COL14A1: variants seen among roughly 807,000 people sequenced by gnomAD.
The protein encoded by COL14A1 is collagen type XIV alpha 1 chain, also known as collagen alpha-1(XIV) chain.
Under a neutral mutation model 230.3 loss-of-function variants are expected in COL14A1, and 136 were observed. The observed-to-expected ratio is 0.59, with a 90% CI of 0.51 to 0.68. The LOEUF is 0.68. Among genes scored for constraint, COL14A1 ranks in the 30% least tolerant of loss-of-function variants. The probability of loss-of-function intolerance (pLI) is 0.00; values close to 1 mark genes in which losing one functional copy is unlikely to be tolerated. For synonymous variants in COL14A1, 792 were observed against 784.1 expected (o/e 1.01, Z -0.17); for missense variants, 1,976 against 2,215.8 (o/e 0.89, Z 2.17).
At chr8:120,151,474 A>G (rs567008574) in intron 2 of COL14A1, among the ~76,000 whole-genome samples, 1 of 152,056 alleles carries the variant, frequency 6.6e-6, no homozygotes, top group African/African-American at 2.4e-5. Flanking sequence ...CCCCGTCTCT[A>G]CTAAAAATAC....
At chr8:120,165,366 C>T (rs1354519408) in intron 4 of COL14A1, among the ~76,000 whole-genome samples, 2 of 152,168 alleles carry the variant, frequency 1.3e-5, no homozygotes, top group Non-Finnish European at 2.9e-5. Context: ...CACAGTAAAA[C>T]ATAAGAAATG....
At chr8:120,279,913 A>G (rs776586014) in intron 28 of COL14A1, 22 bp from the exon 29 acceptor site, 2 of 1,609,046 alleles carry the variant, frequency 1.2e-6, no homozygotes, top group Middle Eastern at 3.3e-4. Flanking sequence ...GTAATCGGAA[A>G]TCTGTTCTCT....
At chr8:120,278,694 T>C in intron 28 of COL14A1, 116 bp downstream of exon 28, 1 of 1,021,564 alleles carries the variant, frequency 9.8e-7, no homozygotes, top group Non-Finnish European at 1.4e-6. Flanking sequence ...TTTCTTCATA[T>C]TAACTAGACA....
At chr8:120,142,871 G>A (rs901679752) in intron 1 of COL14A1, among the ~76,000 whole-genome samples, 4 of 152,048 alleles carry the variant, frequency 2.6e-5, no homozygotes, top group Admixed American at 2.6e-4. Flanking sequence ...TTTTATGAAT[G>A]GTTGCTTGAA....
At chr8:120,334,921 T>C (rs1821998960) in intron 42 of COL14A1, among the ~76,000 whole-genome samples, 1 of 152,198 alleles carries the variant, frequency 6.6e-6, no homozygotes, top group African/African-American at 2.4e-5. Context: ...CTTTGAGGCA[T>C]CCCGAAGTGA....
chr8:120,139,153 A>T (rs1814812361), intron 1 of COL14A1, among the ~76,000 whole-genome samples: 1 of 152,230 alleles, frequency 6.6e-6, no homozygotes, highest in Non-Finnish European at 1.5e-5. Flanking sequence ...TTCAGAAGCT[A>T]TGTAAAATAA....
chr8:120,127,273 C>T (rs1814374403), intron 1 of COL14A1, among the ~76,000 whole-genome samples: 2 of 152,214 alleles, frequency 1.3e-5, no homozygotes, highest in Non-Finnish European at 2.9e-5. Flanking sequence ...GGTATCCATC[C>T]TCTCCTTCTC....
chr8:120,239,720 G>T (rs1818556217), intron 19 of COL14A1, among the ~76,000 whole-genome samples: 1 of 138,426 alleles, frequency 7.2e-6, no homozygotes, highest in South Asian at 2.3e-4. Context: ...TATATAAGTT[G>T]TGATTTTTTT....
At chr8:120,317,958 C>T (rs1821291540) in intron 40 of COL14A1, among the ~76,000 whole-genome samples, 1 of 152,080 alleles carries the variant, frequency 6.6e-6, no homozygotes, top group African/African-American at 2.4e-5. Flanking sequence ...CTTTTCCAAA[C>T]TAGATTTCTG....
chr8:120,279,818 A>G, intron 28 of COL14A1, 117 bp from the exon 29 acceptor site: 5 of 1,037,740 alleles, frequency 4.8e-6, no homozygotes, highest in Non-Finnish European at 6.9e-6. Context: ...TGAATTATCC[A>G]CCCCCATGGG....
At chr8:120,206,852 A>G in intron 9 of COL14A1, 91 bp from the exon 10 acceptor site, 1 of 1,262,600 alleles carries the variant, frequency 7.9e-7, no homozygotes, top group Non-Finnish European at 1.1e-6. Context: ...GCAGCATAAA[A>G]TCAATATTTA....
chr8:120,314,298 G>A (rs1821139238), intron 38 of COL14A1, among the ~76,000 whole-genome samples: 1 of 152,150 alleles, frequency 6.6e-6, no homozygotes, highest in African/African-American at 2.4e-5. Flanking sequence ...AGCATGTATA[G>A]CCCTTTTTCT....
In COL14A1 at chr8:120,281,070, G is replaced by A. The variant is rs201280731; in HGVS notation, c.3824+11G>A. 2.8e-4 allele frequency: 453 copies of A among 1,594,340 alleles called. 1 individual carries two copies. Among genetic ancestry groups the A allele is most frequent in the Non-Finnish European group, 1.8e-4 (207 of 1,173,952 alleles). The stretch of plus-strand genomic sequence containing the variant: ...TTCCCAGCCAACCAGGTATGTTTCT[G>A]TTGAAAGATTTTAAAGTCATCGTAT... On this transcript the variant is annotated intron_variant, in intron 31 of 47. Transcript: ENST00000297848.
intron 7 of COL14A1, 95 bp from the exon 8 acceptor site, chr8:120,199,307 C>A: frequency 1.7e-6 from 2 of 1,156,590 alleles, no homozygotes; most frequent in Non-Finnish European, 2.3e-6. Flanking sequence ...AAGTCTATGG[C>A]TCAATAGGTT....
chr8:120,313,968 G>T lies in COL14A1; in HGVS notation c.4492G>T (p.Gly1498Ter). 5.0e-6 allele frequency: 8 copies of T among 1,612,894 alleles called. No homozygotes were observed. Among genetic ancestry groups the T allele is most frequent in the Non-Finnish European group, 6.8e-6 (8 of 1,179,472 alleles). Residue 1498 changes from glycine (G) to a stop codon, truncating the protein, a stop_gained, in exon 38 of 48, where the codon GGA (glycine) becomes TGA (stop). Transcript: ENST00000297848. LOFTEE classifies it high-confidence loss of function. ...DGPRGEIGLPGPQGPPGPQGP... is the reference protein window; with the variant it reads ...DGPRGEIGLP ...CCCTCGGGGTGAAATTGGTCTGCCA[G>T]GACCTCAGGGTCCACCTGGACCTCA...
At chr8:120,369,035 T>C (rs953206128) in intron 46 of COL14A1, among the ~76,000 whole-genome samples, 3 of 152,162 alleles carry the variant, frequency 2.0e-5, no homozygotes, top group African/African-American at 4.8e-5. Context: ...AAAATAAGGT[T>C]GATAATGGAA....
At chr8:120,255,165 G>T in intron 22 of COL14A1, 75 bp from the exon 23 acceptor site, 1 of 1,215,428 alleles carries the variant, frequency 8.2e-7, no homozygotes, top group Non-Finnish European at 1.2e-6. Context: ...AATTTTTCCA[G>T]AAGTTAATTT....
intron 34 of COL14A1, among the ~76,000 whole-genome samples, chr8:120,291,559 C>CAAAAA (rs375963111): frequency 1.7e-4 from 7 of 41,608 alleles, no homozygotes; most frequent in African/African-American, 5.1e-4. Flanking sequence ...GACTCCATCT[C>CAAAAA]AAAAAAAAAA....
chr8:120,326,750 G>A (rs558305987), intron 40 of COL14A1, among the ~76,000 whole-genome samples: 1 of 152,296 alleles, frequency 6.6e-6, no homozygotes, highest in African/African-American at 2.4e-5. Context: ...TCTTGGTTGG[G>A]TGCAGTGGTT....
Sources: gnomAD v4.1 joint callset for allele counts (sites outside exome capture counted in the v4.1 genomes callset) on GRCh38, gnomAD v4.1.1 for gene constraint, MANE v1.5 for transcripts, NCBI Gene and HGNC (gene_info 2026-07-23, HGNC 2026-07-21) for gene names.